EPHB1: variants seen among roughly 807,000 people sequenced by gnomAD.
EPHB1 encodes the protein ephrin type-B receptor 1.
EPHB1 carries 30 observed loss-of-function variants against 94.4 expected under a neutral mutation model. That is an observed-to-expected ratio of 0.32 (90% CI 0.24 to 0.43). The LOEUF is 0.43. EPHB1 is among the 20% of genes least tolerant of loss of function. The pLI is 1.00. For missense variants in EPHB1, 1,055 were observed against 1,308.3 expected, an observed-to-expected ratio of 0.81 and a Z score of 2.99; for synonymous variants, 522 against 489.1, an observed-to-expected ratio of 1.07 and a Z score of -0.89.
chr3:135,104,122 A>C (rs762677373), intron 3 of EPHB1, among the ~76,000 whole-genome samples: 16 of 152,188 alleles, frequency 1.1e-4, no homozygotes, highest in Non-Finnish European at 1.9e-4. Context: ...CCCACTCTCC[A>C]GAGACAGAGC....
chr3:135,140,794 C>A (rs1940796282), intron 5 of EPHB1, among the ~76,000 whole-genome samples: 2 of 152,210 alleles, frequency 1.3e-5, no homozygotes, highest in Non-Finnish European at 2.9e-5. Flanking sequence ...TGTCCCCCTG[C>A]ATGCCAGCCC....
intron 7 of EPHB1, among the ~76,000 whole-genome samples, chr3:135,165,392 G>T (rs1313358300): frequency 6.6e-6 from 1 of 152,184 alleles, no homozygotes; most frequent in Non-Finnish European, 1.5e-5. Flanking sequence ...GCATAATTCA[G>T]CATGGTTCTA....
chr3:135,255,198 A>G (rs370248776), intron 15 of EPHB1, among the ~76,000 whole-genome samples: 5 of 151,338 alleles, frequency 3.3e-5, no homozygotes, highest in Non-Finnish European at 5.9e-5. Context: ...AGGGTTTTTT[A>G]TGTCTCTATT....
chr3:135,073,789 CTGTT>C (rs1302104268), intron 3 of EPHB1, among the ~76,000 whole-genome samples: 8 of 150,774 alleles, frequency 5.3e-5, no homozygotes, highest in Non-Finnish European at 1.0e-4. Flanking sequence ...TTCTTGAAAT[CTGTT>C]TGTTTAAGAA....
At chr3:135,244,043 C>T (rs560714527) in intron 13 of EPHB1, among the ~76,000 whole-genome samples, 8 of 152,028 alleles carry the variant, frequency 5.3e-5, no homozygotes, top group Admixed American at 1.3e-4. Flanking sequence ...TGGGGGCAGC[C>T]GGGAGCAGGC....
intron 3 of EPHB1, among the ~76,000 whole-genome samples, chr3:134,976,465 C>G (rs1934196012): frequency 6.6e-6 from 1 of 152,220 alleles, no homozygotes; most frequent in South Asian, 2.1e-4. Flanking sequence ...TGCTTGCTAA[C>G]TTTCTAATAT....
At chr3:135,108,117 C>T (rs1939293744) in intron 4 of EPHB1, among the ~76,000 whole-genome samples, 1 of 152,092 alleles carries the variant, frequency 6.6e-6, no homozygotes. Context: ...CGCTCCTTTC[C>T]ATTCCTTCTC....
At chr3:135,202,225 A>G (rs369813428) in intron 12 of EPHB1, among the ~76,000 whole-genome samples, 5 of 152,300 alleles carry the variant, frequency 3.3e-5, no homozygotes, top group African/African-American at 9.6e-5. Context: ...CTAATTATCT[A>G]TATCCAACTG....
At chr3:135,220,046 A>G (rs1943240355) in intron 12 of EPHB1, among the ~76,000 whole-genome samples, 1 of 152,094 alleles carries the variant, frequency 6.6e-6, no homozygotes, top group African/African-American at 2.4e-5. Flanking sequence ...TTTTCTAAAG[A>G]CCCTGGTAGC....
At chr3:135,110,858 A>G (rs937559632) in intron 4 of EPHB1, among the ~76,000 whole-genome samples, 1 of 152,024 alleles carries the variant, frequency 6.6e-6, no homozygotes, top group Non-Finnish European at 1.5e-5. Context: ...CAGGCACGAC[A>G]GGGCAGTGGT....
chr3:135,027,427 G>A (rs1936227650), intron 3 of EPHB1, among the ~76,000 whole-genome samples: 2 of 147,538 alleles, frequency 1.4e-5, no homozygotes, highest in South Asian at 2.2e-4. Context: ...AGCATGAAGG[G>A]TTGTTGAATT....
intron 3 of EPHB1, among the ~76,000 whole-genome samples, chr3:135,076,234 G>GATAGATATATAT (rs1553729693): frequency 1.4e-4 from 18 of 131,172 alleles, no homozygotes; most frequent in African/African-American, 6.3e-4. Context: ...TCTGAAAAGG[G>GATAGATATATAT]ATATATATAT....
chr3:135,049,983 A>G (rs1469195565), intron 3 of EPHB1, among the ~76,000 whole-genome samples: 1 of 152,050 alleles, frequency 6.6e-6, no homozygotes, highest in Non-Finnish European at 1.5e-5. Context: ...GAGGAGCCCC[A>G]CCCTGGGCAT....
chr3:135,030,947 C>G (rs548748699), intron 3 of EPHB1, among the ~76,000 whole-genome samples: 4 of 152,300 alleles, frequency 2.6e-5, no homozygotes, highest in South Asian at 2.1e-4. Flanking sequence ...TTAAGCCCGT[C>G]GGAAAAGCGC....
chr3:135,067,887 C>T (rs537386659), intron 3 of EPHB1: 12 of 152,342 alleles, frequency 7.9e-5, no homozygotes, highest in African/African-American at 2.4e-4. Flanking sequence ...CCCTGTATTT[C>T]GCTCGGCTCT....
At chr3:134,998,798 T>C (rs1935080618) in intron 3 of EPHB1, among the ~76,000 whole-genome samples, 4 of 152,222 alleles carry the variant, frequency 2.6e-5, no homozygotes, top group Admixed American at 2.6e-4. Context: ...ACACAGTGTC[T>C]CATTCATAAT....
chr3:135,133,144 T>G (rs1351824584), intron 5 of EPHB1, 95 bp downstream of exon 5: 9 of 1,258,294 alleles, frequency 7.2e-6, no homozygotes, highest in African/African-American at 1.5e-5. Context: ...ATCCTGCCCG[T>G]GTACTGTCAG....
chr3:134,849,510 G>A (rs2036935960), intron 1 of EPHB1, among the ~76,000 whole-genome samples: 1 of 152,186 alleles, frequency 6.6e-6, no homozygotes, highest in African/African-American at 2.4e-5. Flanking sequence ...TCTGGCCCTG[G>A]GAAGAGGGTG....
intron 3 of EPHB1, among the ~76,000 whole-genome samples, chr3:135,042,078 A>C (rs1432880753): frequency 6.6e-6 from 1 of 152,178 alleles, no homozygotes; most frequent in East Asian, 1.9e-4. Flanking sequence ...ACAGGCCTGC[A>C]CCACTATGCC....
Sources: gnomAD v4.1 joint callset for allele counts (sites outside exome capture counted in the v4.1 genomes callset) on GRCh38, gnomAD v4.1.1 for gene constraint, MANE v1.5 for transcripts, NCBI Gene and HGNC (gene_info 2026-07-23, HGNC 2026-07-21) for gene names.